Variants in ANKRD11 observed in about 807,000 individuals in gnomAD.
ANKRD11 encodes ankyrin repeat domain 11, also known as ankyrin repeat domain-containing protein 11.
ANKRD11 carries 17 observed loss-of-function variants against 195.7 expected under a neutral mutation model. That is an observed-to-expected ratio of 0.09 (90% CI 0.06 to 0.13). The LOEUF is 0.13. Among genes scored for constraint, ANKRD11 ranks in the 10% least tolerant of loss-of-function variants. ANKRD11 has a pLI of 1.00. For missense variants in ANKRD11, 3,735 were observed against 3,566.1 expected (o/e 1.05, Z -1.21); for synonymous variants, 1,953 against 1,528.1 (o/e 1.28, Z -6.49).
chr16:89,363,098 C>T (rs930268290), intron 2 of ANKRD11, among the ~76,000 whole-genome samples: 10 of 152,062 alleles, frequency 6.6e-5, no homozygotes, highest in African/African-American at 2.4e-4. Context: ...ATTAAATTTA[C>T]GTTCAAGTGC....
intron 1 of ANKRD11, among the ~76,000 whole-genome samples, chr16:89,483,478 G>A (rs908490148): frequency 1.3e-5 from 2 of 152,210 alleles, no homozygotes. Context: ...CACACTAAAA[G>A]ATAAAGGATA....
chr16:89,371,526 TG>T (rs1206670170), intron 2 of ANKRD11, among the ~76,000 whole-genome samples: 5 of 152,164 alleles, frequency 3.3e-5, no homozygotes, highest in Non-Finnish European at 7.4e-5. Context: ...CACCCACAGA[TG>T]AGTTCTCTCA....
At chr16:89,377,602 G>GT (rs2040478928) in intron 2 of ANKRD11, among the ~76,000 whole-genome samples, 1 of 152,180 alleles carries the variant, frequency 6.6e-6, no homozygotes, top group African/African-American at 2.4e-5. Context: ...CCCACACCAG[G>GT]TGACGAGGAG....
At chr16:89,384,183 G>A (rs990048175) in intron 2 of ANKRD11, among the ~76,000 whole-genome samples, 2 of 152,162 alleles carry the variant, frequency 1.3e-5, no homozygotes, top group African/African-American at 4.8e-5. Context: ...ATGTGCTCCT[G>A]CACTCCAGCC....
intron 2 of ANKRD11, among the ~76,000 whole-genome samples, chr16:89,397,916 G>A (rs3890012): frequency 0.031 from 4,696 of 152,320 alleles, 104 homozygotes; most frequent in Non-Finnish European, 0.05. Flanking sequence ...CAGGTGCCTC[G>A]GGTGGCAACA....
At chr16:89,406,853 AG>A (rs2041926637) in intron 2 of ANKRD11, among the ~76,000 whole-genome samples, 1 of 152,182 alleles carries the variant, frequency 6.6e-6, no homozygotes, top group Non-Finnish European at 1.5e-5. Flanking sequence ...GAAGGGGAAA[AG>A]GAAAAGGGAA....
Position 89,279,338 on chromosome 16 carries a change from T to C in ANKRD11, c.7204A>G (p.Thr2402Ala), listed in dbSNP as rs1294821125. ...ACCTCCCGCGTCTGCTGCGTGGACG[T>C]GTTCAGCTGCTGCTGCAGCTGCTGG... is the stretch of plus-strand genomic sequence containing the variant. ...STQQLQQQLNTSTQQTREVIQ... is the reference protein window; with the variant it reads ...STQQLQQQLNASTQQTREVIQ... Residue 2402 changes from threonine to alanine, a missense_variant, in exon 9 of 13, where the codon ACG becomes GCG. Thr to Ala is a moderately conservative substitution (Grantham distance 58, BLOSUM62 0). Transcript: ENST00000301030. The surrounding 1 kb of genome is among the most constrained non-coding windows in gnomAD (Gnocchi z 5.6). The C allele has an allele frequency of 4.3e-6, 7 of 1,611,102 alleles. No homozygotes were observed. Among genetic ancestry groups the C allele is most frequent in the Non-Finnish European group, 5.9e-6 (7 of 1,179,546 alleles).
intron 11 of ANKRD11, chr16:89,272,280 C>T (rs1184892645): frequency 2.6e-5 from 4 of 152,228 alleles, no homozygotes; most frequent in Non-Finnish European, 1.5e-5. Context: ...AGGGAACCCT[C>T]GTACCCCGTT....
intron 4 of ANKRD11, among the ~76,000 whole-genome samples, chr16:89,303,068 A>G (rs551247276): frequency 1.7e-4 from 26 of 152,232 alleles, no homozygotes; most frequent in African/African-American, 6.0e-4. Context: ...GGCCACCACA[A>G]AGAGACCTGA....
chr16:89,369,318 C>T (rs929744378), intron 2 of ANKRD11, among the ~76,000 whole-genome samples: 7 of 152,210 alleles, frequency 4.6e-5, no homozygotes, highest in Admixed American at 2.0e-4. Flanking sequence ...TTCACAGCAG[C>T]GCTGCAAAGG....
At position 89,327,084 on chromosome 16, in the gene ANKRD11, A is replaced by AAATGCAGAGGTGGGG. The variant is rs1450022698; in HGVS notation, c.-59-10021_-59-10007dup. Among the ~76,000 whole-genome samples, 7 of 150,486 alleles carry AAATGCAGAGGTGGGG rather than the reference A, an allele frequency of 4.7e-5. No individual in the cohort carries two copies. In the South Asian group the frequency reaches 6.7e-4, roughly 14 times the overall value. On this transcript the variant is annotated intron_variant, in intron 2 of 12. Coordinates refer to ENST00000301030, the MANE Select transcript of ANKRD11 (RefSeq NM_013275.6). ...CAGAGGTGGGGAATGCAGAGGTTGG[A>AAATGCAGAGGTGGGG]AATGCAGAGGTGGGGAATGCAGAGG...
At chr16:89,312,894 C>T (rs2036689372) in intron 3 of ANKRD11, among the ~76,000 whole-genome samples, 1 of 152,180 alleles carries the variant, frequency 6.6e-6, no homozygotes, top group African/African-American at 2.4e-5. Flanking sequence ...TAGCTCCCAG[C>T]TCCCCACCTG....
At chr16:89,367,807 T>C (rs375329917) in intron 2 of ANKRD11, among the ~76,000 whole-genome samples, 2 of 152,118 alleles carry the variant, frequency 1.3e-5, no homozygotes, top group South Asian at 2.1e-4. Context: ...CAAAAGCAGG[T>C]GGGGAGCCTG....
chr16:89,289,676 GA>G (rs2034896149), intron 6 of ANKRD11, among the ~76,000 whole-genome samples: 1 of 152,184 alleles, frequency 6.6e-6, no homozygotes, highest in Admixed American at 6.5e-5. Context: ...ACACACCAGG[GA>G]CAGGTCCCTC....
chr16:89,431,618 G>A (rs1221405790), intron 1 of ANKRD11, among the ~76,000 whole-genome samples: 28 of 152,054 alleles, frequency 1.8e-4, no homozygotes, highest in Non-Finnish European at 2.9e-5. Context: ...TTTCCATTTT[G>A]TTTCACTTGC....
intron 4 of ANKRD11, chr16:89,298,269 A>C (rs1381546977): frequency 6.6e-6 from 1 of 152,272 alleles, no homozygotes; most frequent in East Asian, 1.9e-4. Context: ...TTCCACACAC[A>C]CAGCATCGTG....
chr16:89,375,629 T>C (rs2040391992), intron 2 of ANKRD11, among the ~76,000 whole-genome samples: 2 of 152,026 alleles, frequency 1.3e-5, no homozygotes, highest in Admixed American at 1.3e-4. Flanking sequence ...AATTTTTAAA[T>C]TTTTAGTAGA....
At chr16:89,456,609 C>G (rs552375446) in intron 1 of ANKRD11, among the ~76,000 whole-genome samples, 12 of 151,982 alleles carry the variant, frequency 7.9e-5, no homozygotes, top group Non-Finnish European at 1.2e-4. Flanking sequence ...AACACCCTGC[C>G]TACACCCAGA....
intron 3 of ANKRD11, chr16:89,313,471 C>A (rs762434794): frequency 1.3e-5 from 17 of 1,289,138 alleles, no homozygotes; most frequent in Non-Finnish European, 1.7e-5. Context: ...ACTGGTGCAG[C>A]CAAAGGGACA....
Sources: gnomAD v4.1 joint callset for allele counts (sites outside exome capture counted in the v4.1 genomes callset) on GRCh38, gnomAD v4.1.1 for gene constraint, Gnocchi (gnomAD v3.1) non-coding constraint, MANE v1.5 for transcripts, NCBI Gene and HGNC (gene_info 2026-07-23, HGNC 2026-07-21) for gene names.